SPTB: variants seen among roughly 807,000 people sequenced by gnomAD.
The protein encoded by SPTB is spectrin beta, erythrocytic, also known as spectrin beta chain, erythrocytic.
A neutral mutation model predicts 256.2 loss-of-function variants in SPTB; 45 were observed. The observed-to-expected ratio is 0.18, with a 90% CI of 0.14 to 0.23. The LOEUF (loss-of-function observed/expected upper bound fraction) is 0.23, where lower values mean the gene tolerates loss of function less well. Among genes scored for constraint, SPTB ranks in the 10% least tolerant of loss-of-function variants. The pLI is 1.00. For synonymous variants in SPTB, 1,231 were observed against 1,243.1 expected (o/e 0.99, Z 0.21); for missense variants, 2,715 against 3,040.4 (o/e 0.89, Z 2.52).
chr14:64,749,830 G>T lies in SPTB; in HGVS notation c.6777-134C>A. 1.4e-6 allele frequency: 2 copies of T among 1,479,176 alleles called. No individual in the cohort carries two copies. Among genetic ancestry groups the T allele is most frequent in the Non-Finnish European group, 1.9e-6 (2 of 1,071,226 alleles). The allele number at this position is 1,479,176 out of a possible 1,614,324, so 91.6% of individuals were successfully genotyped here. On this transcript the variant is annotated intron_variant, in intron 34 of 35. Transcript: ENST00000644917. The surrounding 1 kb of genome is among the most constrained non-coding windows in gnomAD (Gnocchi z 4.7). ...CAGGCAGCCCAGCACTTTCTGAGAG[G>T]TCAAAGTCTGGACCATCAGCCTCTT...
chr14:64,860,019 A>G (rs1473542632), intron 1 of SPTB, among the ~76,000 whole-genome samples: 1 of 152,162 alleles, frequency 6.6e-6, no homozygotes, highest in East Asian at 1.9e-4. Flanking sequence ...GGTGCTTCCA[A>G]CTGAATAAAA....
At position 64,866,027 on chromosome 14, in the gene SPTB, G is replaced by A. The variant is rs1882162641; in HGVS notation, c.-52+13765C>T. On this transcript the variant is annotated intron_variant, in intron 1 of 35. Coordinates refer to ENST00000644917, the MANE Select transcript of SPTB (RefSeq NM_001355436.2). This position sits in a 1 kb window ranked among gnomAD's most constrained non-coding sequence, Gnocchi z 4.6. ...TACTGACTCTATAAGCAGCAACCTG[G>A]ATTTTAAATGAGAAAAACAGAGACC... Among the ~76,000 whole-genome samples the A allele has an allele frequency of 6.6e-6, 1 of 152,186 alleles. No individual in the cohort carries two copies. The highest frequency in any genetic ancestry group is 2.4e-5 in the African/African-American group (1 of 41,454).
At position 64,764,903 on chromosome 14, in the gene SPTB, G is replaced by C. The variant is rs912973472; in HGVS notation, c.6345+1823C>G. Among the ~76,000 whole-genome samples the C allele has an allele frequency of 6.6e-6, 1 of 152,144 alleles. No individual in the cohort carries two copies. The highest frequency in any genetic ancestry group is 6.5e-5 in the Admixed American group (1 of 15,280). ...CACATGCGATGACGGGAGCTTCGGA[G>C]GGAACTTCTGGGAGAGACCCTTCAG... On this transcript the variant is annotated intron_variant, in intron 32 of 35. Transcript: ENST00000644917. The surrounding 1 kb of genome is among the most constrained non-coding windows in gnomAD (Gnocchi z 4.2).
intron 1 of SPTB, among the ~76,000 whole-genome samples, chr14:64,878,002 A>AT (rs1882907001): frequency 6.6e-6 from 1 of 152,198 alleles, no homozygotes; most frequent in Admixed American, 6.5e-5. Flanking sequence ...CGCCTGTGCT[A>AT]CAAGGCCCAT....
intron 2 of SPTB, among the ~76,000 whole-genome samples, chr14:64,818,447 T>A (rs1408976714): frequency 1.3e-5 from 2 of 152,118 alleles, no homozygotes; most frequent in Admixed American, 1.3e-4. Context: ...ATGAGGCTCA[T>A]GCACAGGGCT....
intron 23 of SPTB, among the ~76,000 whole-genome samples, chr14:64,774,898 G>C (rs1328034164): frequency 6.6e-6 from 1 of 152,132 alleles, no homozygotes; most frequent in Non-Finnish European, 1.5e-5. Flanking sequence ...CCTTGGGTTA[G>C]AGCAAACCTA....
chr14:64,805,127 G>T (rs2082958592), intron 2 of SPTB, 37 bp from the exon 3 acceptor site: 1 of 1,613,960 alleles, frequency 6.2e-7, no homozygotes, highest in South Asian at 1.1e-5. Context: ...GGTGCCTGAG[G>T]TTGGCAGGGT....
At chr14:64,842,151 G>T (rs1156314628) in intron 1 of SPTB, among the ~76,000 whole-genome samples, 2 of 152,254 alleles carry the variant, frequency 1.3e-5, no homozygotes, top group Non-Finnish European at 2.9e-5. Context: ...CGCGTGTGCG[G>T]GGCCATGGTG....
At position 64,746,497 on chromosome 14, in the gene SPTB, G is replaced by A. The variant is rs759175597; in HGVS notation, c.*2809C>T. ...CCAAGCCACCAAGCCATGTGGTCCC[G>A]CTGGCTTCATCCTCCTCTGGATTCC... On this transcript the variant is annotated 3_prime_UTR_variant, in exon 36 of 36. Coordinates refer to ENST00000644917, the MANE Select transcript of SPTB (RefSeq NM_001355436.2). The surrounding 1 kb of genome is among the most constrained non-coding windows in gnomAD (Gnocchi z 4.9). The A allele has an allele frequency of 2.2e-4, 34 of 152,718 alleles. No individual in the cohort carries two copies. The highest frequency in any genetic ancestry group is 4.6e-4 in the Admixed American group (7 of 15,282). The allele number at this position is 152,718 out of a possible 1,614,324, so 9.5% of individuals were successfully genotyped here. A position where few individuals can be genotyped will look rare whatever the true frequency, so the allele number is the denominator to read the frequency against.
Position 64,791,766 on chromosome 14 carries a change from G to A in SPTB, c.2757C>T (p.His919=), listed in dbSNP as rs201146507. 7.4e-6 allele frequency: 12 copies of A among 1,613,954 alleles called. No homozygotes were observed. The highest frequency in any genetic ancestry group is 6.7e-5 in the African/African-American group (5 of 74,892). The stretch of plus-strand genomic sequence containing the variant: ...ACTGCTTCACCTCCCTGCTGCGTGG[G>A]TGGCCACTCTCTACCAAGCTGTTGG... ...LAANSLVESG[H]PRSREVKQYQ... Residue 919 remains histidine (H), a synonymous_variant, in exon 15 of 36, where the codon CAC becomes CAT. Coordinates refer to ENST00000644917, the MANE Select transcript of SPTB (RefSeq NM_001355436.2).
chr14:64,798,337 T>C (rs138784999), intron 9 of SPTB, among the ~76,000 whole-genome samples: 2 of 152,296 alleles, frequency 1.3e-5, no homozygotes, highest in African/African-American at 4.8e-5. Flanking sequence ...CAGGTCCTAA[T>C]GAGCCAGATC....
At chr14:64,798,752 A>C (rs1413771902) in intron 9 of SPTB, among the ~76,000 whole-genome samples, 4 of 152,230 alleles carry the variant, frequency 2.6e-5, no homozygotes, top group Non-Finnish European at 5.9e-5. Flanking sequence ...TCAGACTAGA[A>C]ACCAGATACT....
At chr14:64,789,718 C>T in intron 15 of SPTB, among the ~76,000 whole-genome samples, 1 of 152,174 alleles carries the variant, frequency 6.6e-6, no homozygotes, top group Non-Finnish European at 1.5e-5. Context: ...TTTACATAGT[C>T]TAGCAGGAAA....
Position 64,772,052 on chromosome 14 carries a change from C to T in SPTB, c.5553+528G>A, listed in dbSNP as rs1483906002. ...GTCTGAACAGTAGAACTTGGGGGCT[C>T]TCCAGCTCCCATGTGGAAAGGCTGA... On this transcript the variant is annotated intron_variant, in intron 26 of 35. Coordinates refer to ENST00000644917, the MANE Select transcript of SPTB (RefSeq NM_001355436.2). The surrounding 1 kb of genome is among the most constrained non-coding windows in gnomAD (Gnocchi z 5.4). 1.3e-5 allele frequency among the ~76,000 whole-genome samples: 2 copies of T among 152,206 alleles called. No individual in the cohort carries two copies. The highest frequency in any genetic ancestry group is 3.2e-3 in the Middle Eastern group (1 of 316).
At position 64,866,663 on chromosome 14, in the gene SPTB, C is replaced by G. The variant is rs187335808; in HGVS notation, c.-52+13129G>C. On this transcript the variant is annotated intron_variant, in intron 1 of 35. Transcript: ENST00000644917. The surrounding 1 kb of genome is among the most constrained non-coding windows in gnomAD (Gnocchi z 4.6). ...GAAAGGAACAAAACATGCTCAGAGG[C>G]CTGAGCAAGCAGAATTCGGGTGAGT... is the stretch of plus-strand genomic sequence containing the variant. 5.3e-5 allele frequency among the ~76,000 whole-genome samples: 8 copies of G among 152,128 alleles called. No homozygotes were observed. In the East Asian group the frequency reaches 1.5e-3, roughly 29 times the overall value.
At chr14:64,818,133 G>A (rs1261730094) in intron 2 of SPTB, among the ~76,000 whole-genome samples, 2 of 152,220 alleles carry the variant, frequency 1.3e-5, no homozygotes, top group African/African-American at 2.4e-5. Flanking sequence ...GGCAAAACCT[G>A]AGTGGGCAAC....
Position 64,767,685 on chromosome 14 carries a change from G to A in SPTB, c.6197C>T (p.Ala2066Val). 1 of 1,614,146 alleles carries A rather than the reference G, an allele frequency of 6.2e-7. No individual in the cohort carries two copies. Among genetic ancestry groups the A allele is most frequent in the Non-Finnish European group, 8.5e-7 (1 of 1,180,036 alleles). ...KSTASWAERF[A>V]ALEKPTTLEL... ...CACCGTGGTGGGCTTCTCCAGGGCA[G>A]CAAAGCGCTCTGCCCAGCTGGCCGT... is the stretch of plus-strand genomic sequence containing the variant. Residue 2066 changes from alanine to valine, a missense_variant, in exon 30 of 36, where the codon GCT becomes GTT. By Grantham distance (64) the Ala-to-Val change is moderately conservative. Transcript: ENST00000644917.
At position 64,826,537 on chromosome 14, in the gene SPTB, T is replaced by C. The variant is rs2083380144; in HGVS notation, c.-51-3392A>G. Among the ~76,000 whole-genome samples, 1 of 152,086 alleles carries C rather than the reference T, an allele frequency of 6.6e-6. No homozygotes were observed. Among genetic ancestry groups the C allele is most frequent in the African/African-American group, 2.4e-5 (1 of 41,406 alleles). On this transcript the variant is annotated intron_variant, in intron 1 of 35. Transcript: ENST00000644917. This position sits in a 1 kb window ranked among gnomAD's most constrained non-coding sequence, Gnocchi z 4.4. ...CACATCTAGAGTGGCCTTCCATGAGTCACGGAGGACCGCAAATACATGGCT... is the reference window on the plus strand; with the variant it reads ...CACATCTAGAGTGGCCTTCCATGAGCCACGGAGGACCGCAAATACATGGCT...
In SPTB at chr14:64,786,830, G is replaced by C; in HGVS notation, c.3135C>G (p.Gly1045=). The change falls in exon 16 of 36, where the codon GGC becomes GGG. Residue 1045 remains glycine, a synonymous_variant. Coordinates refer to ENST00000644917, the MANE Select transcript of SPTB (RefSeq NM_001355436.2). The surrounding 1 kb of genome is among the most constrained non-coding windows in gnomAD (Gnocchi z 5.6). ...CCTGGCCCTGCAGGGATTGCTGCAGGCCCTGCCACAGCTCCTCCAAGTGTT... is the reference window on the plus strand; with the variant it reads ...CCTGGCCCTGCAGGGATTGCTGCAGCCCCTGCCACAGCTCCTCCAAGTGTT... ...RQKHLEELWQ[G]LQQSLQGQED... is the part of the protein sequence containing the mutation. 1 of 1,613,818 alleles carries C rather than the reference G, an allele frequency of 6.2e-7. No homozygotes were observed.
Sources: gnomAD v4.1 joint callset for allele counts (sites outside exome capture counted in the v4.1 genomes callset) on GRCh38, gnomAD v4.1.1 for gene constraint, Gnocchi (gnomAD v3.1) non-coding constraint, MANE v1.5 for transcripts, NCBI Gene and HGNC (gene_info 2026-07-23, HGNC 2026-07-21) for gene names.